The following PLCB1 variants were observed in gnomAD, a reference collection of about 807,000 sequenced individuals.
PLCB1 encodes phospholipase C beta 1, also known as 1-phosphatidylinositol 4,5-bisphosphate phosphodiesterase beta-1.
PLCB1 carries 46 observed loss-of-function variants against 161.8 expected under a neutral mutation model. That is an observed-to-expected ratio of 0.28 (90% CI 0.22 to 0.36). The LOEUF (loss-of-function observed/expected upper bound fraction) is 0.36, where lower values mean the gene tolerates loss of function less well. Ranked by LOEUF, PLCB1 falls within the 10% of genes least tolerant of loss-of-function variation. The probability of loss-of-function intolerance (pLI) is 1.00; values close to 1 mark genes in which losing one functional copy is unlikely to be tolerated. For synonymous variants in PLCB1, 517 were observed against 503.7 expected (o/e 1.03, Z -0.35); for missense variants, 1,016 against 1,472.5 (o/e 0.69, Z 5.07).
chr20:8,316,871 C>A (rs1056648605), intron 2 of PLCB1, among the ~76,000 whole-genome samples: 5 of 152,054 alleles, frequency 3.3e-5, no homozygotes, highest in Non-Finnish European at 2.9e-5. Flanking sequence ...TATCCCCTCA[C>A]GGCATTTATC....
intron 2 of PLCB1, among the ~76,000 whole-genome samples, chr20:8,221,067 A>C (rs1001010680): frequency 2.2e-4 from 33 of 152,198 alleles, no homozygotes; most frequent in African/African-American, 7.7e-4. Flanking sequence ...TATCCAGTCC[A>C]TTAGTTGACT....
chr20:8,874,254 ACGC>A (rs1987704946), intron 31 of PLCB1, among the ~76,000 whole-genome samples: 2 of 70,260 alleles, frequency 2.8e-5, no homozygotes, highest in East Asian at 1.0e-3. Context: ...ACACACACAC[ACGC>A]ACAACAGATG....
At chr20:8,396,325 A>G (rs1400004928) in intron 3 of PLCB1, among the ~76,000 whole-genome samples, 4 of 152,054 alleles carry the variant, frequency 2.6e-5, no homozygotes, top group South Asian at 2.1e-4. Context: ...GGGATTCAAA[A>G]TATTTCTTTT....
chr20:8,710,019 A>G (rs1978906786), intron 12 of PLCB1, among the ~76,000 whole-genome samples: 1 of 152,212 alleles, frequency 6.6e-6, no homozygotes, highest in African/African-American at 2.4e-5. Context: ...CAATTCATTT[A>G]TAATTGGCCT....
Position 8,276,983 on chromosome 20 carries a change from CTTCTTATTA to C in PLCB1, c.178-94396_178-94388del, listed in dbSNP as rs1337624591. ...TCTTCTTCTTCTTCTTCTTCTTCTT[CTTCTTATTA>C]TTATTATTATTATTATTATTATTGT... On this transcript the variant is annotated intron_variant, in intron 2 of 31. Coordinates refer to ENST00000338037, the MANE Select transcript of PLCB1 (RefSeq NM_015192.4). Among the ~76,000 whole-genome samples, 436 of 99,126 alleles carry C rather than the reference CTTCTTATTA, an allele frequency of 4.4e-3. 4 individuals carry two copies. The highest frequency in any genetic ancestry group is 6.4e-3 in the East Asian group (20 of 3,106). 65.0% of individuals were successfully genotyped at this position (99,126 alleles called of 152,430 possible).
chr20:8,526,287 C>G (rs1467232605), intron 3 of PLCB1, among the ~76,000 whole-genome samples: 1 of 152,102 alleles, frequency 6.6e-6, no homozygotes, highest in African/African-American at 2.4e-5. Context: ...TATTTGAGCA[C>G]TGGCTCTATC....
intron 3 of PLCB1, among the ~76,000 whole-genome samples, chr20:8,586,651 G>GA (rs1987000981): frequency 6.6e-6 from 1 of 151,950 alleles, no homozygotes; most frequent in African/African-American, 2.4e-5. Flanking sequence ...TCACAAATAG[G>GA]AAAAAAATCT....
At chr20:8,741,762 T>G (rs905118086) in intron 23 of PLCB1, among the ~76,000 whole-genome samples, 189 bp downstream of exon 23, 5 of 152,258 alleles carry the variant, frequency 3.3e-5, no homozygotes, top group Non-Finnish European at 2.9e-5. Flanking sequence ...TTTCATTTTC[T>G]TTTGGCATTC....
chr20:8,850,591 T>G (rs1015158719), intron 31 of PLCB1, among the ~76,000 whole-genome samples: 2 of 152,178 alleles, frequency 1.3e-5, no homozygotes, highest in African/African-American at 2.4e-5. Context: ...GTGAGGACTT[T>G]ACGAGGTTTA....
chr20:8,784,246 T>C (rs1367284925), intron 27 of PLCB1, among the ~76,000 whole-genome samples: 2 of 152,046 alleles, frequency 1.3e-5, no homozygotes, highest in African/African-American at 4.8e-5. Context: ...GGGCAGAACT[T>C]CAGTAGGAGT....
At chr20:8,797,168 C>A (rs916175351) in intron 31 of PLCB1, among the ~76,000 whole-genome samples, 2 of 152,080 alleles carry the variant, frequency 1.3e-5, no homozygotes, top group African/African-American at 2.4e-5. Context: ...GCATCTATTG[C>A]TGTTCTTGAG....
intron 2 of PLCB1, among the ~76,000 whole-genome samples, chr20:8,206,193 G>C (rs1362509051): frequency 6.6e-6 from 1 of 152,180 alleles, no homozygotes; most frequent in Non-Finnish European, 1.5e-5. Flanking sequence ...CCTATGACTT[G>C]TATAGATGTT....
At position 8,328,318 on chromosome 20, in the gene PLCB1, A is replaced by G. The variant is rs377378513; in HGVS notation, c.178-43064A>G. On this transcript the variant is annotated intron_variant, in intron 2 of 31. Coordinates refer to ENST00000338037, the MANE Select transcript of PLCB1 (RefSeq NM_015192.4). ...ATTTGTCTTGCTGAATGCCTTTATCATAGCTTAAATTTGAATTTTCTGCTT... is the reference window on the plus strand; with the variant it reads ...ATTTGTCTTGCTGAATGCCTTTATCGTAGCTTAAATTTGAATTTTCTGCTT... Among the ~76,000 whole-genome samples the G allele has an allele frequency of 3.9e-4, 59 of 151,958 alleles. 1 individual carries two copies. The highest frequency in any genetic ancestry group is 2.2e-3 in the Admixed American group (33 of 15,248).
At chr20:8,505,310 C>T (rs974670461) in intron 3 of PLCB1, among the ~76,000 whole-genome samples, 1 of 152,126 alleles carries the variant, frequency 6.6e-6, no homozygotes, top group Non-Finnish European at 1.5e-5. Context: ...CATTGAGTGG[C>T]GAGCACTCTT....
intron 2 of PLCB1, among the ~76,000 whole-genome samples, chr20:8,189,809 T>C (rs1344614768): frequency 6.6e-6 from 1 of 152,048 alleles, no homozygotes; most frequent in East Asian, 1.9e-4. Flanking sequence ...ACTGACAACT[T>C]TCCATGTATG....
intron 2 of PLCB1, among the ~76,000 whole-genome samples, chr20:8,170,745 C>A (rs1283105702): frequency 1.3e-5 from 2 of 152,056 alleles, no homozygotes; most frequent in African/African-American, 4.8e-5. Flanking sequence ...AAAAAAGGAG[C>A]CCTGAATCTA....
chr20:8,390,638 A>G (rs1000838927), intron 3 of PLCB1, among the ~76,000 whole-genome samples: 4 of 152,218 alleles, frequency 2.6e-5, no homozygotes, highest in Non-Finnish European at 5.9e-5. Context: ...ATAAAACTGC[A>G]TAGTCAGAAT....
intron 3 of PLCB1, among the ~76,000 whole-genome samples, chr20:8,403,290 A>G (rs2122481749): frequency 6.6e-6 from 1 of 152,066 alleles, no homozygotes; most frequent in South Asian, 2.1e-4. Flanking sequence ...TGAGGATGGG[A>G]GGATTACTTG....
intron 3 of PLCB1, among the ~76,000 whole-genome samples, chr20:8,602,776 C>T (rs1987631293): frequency 6.6e-6 from 1 of 152,146 alleles, no homozygotes; most frequent in Admixed American, 6.5e-5. Context: ...ATTTTAATTT[C>T]TGTGGCTTAT....
Sources: gnomAD v4.1 joint callset for allele counts (sites outside exome capture counted in the v4.1 genomes callset) on GRCh38, gnomAD v4.1.1 for gene constraint, MANE v1.5 for transcripts, NCBI Gene and HGNC (gene_info 2026-07-23, HGNC 2026-07-21) for gene names.